Variants in PLXDC2 observed in about 807,000 individuals in gnomAD.
PLXDC2 encodes plexin domain containing 2, also known as plexin domain-containing protein 2.
A neutral mutation model predicts 68.9 loss-of-function variants in PLXDC2; 40 were observed. That is an observed-to-expected ratio of 0.58 (90% CI 0.45 to 0.76). PLXDC2 has a LOEUF of 0.76. Among genes scored for constraint, PLXDC2 ranks in the 30% least tolerant of loss-of-function variants. PLXDC2 has a pLI of 0.00. For missense variants in PLXDC2, 644 were observed against 661.9 expected (o/e 0.97, Z 0.30); for synonymous variants, 243 against 234.2 (o/e 1.04, Z -0.34).
intron 3 of PLXDC2, among the ~76,000 whole-genome samples, chr10:20,050,937 A>T (rs1273139997): frequency 6.6e-6 from 1 of 152,140 alleles, no homozygotes; most frequent in Non-Finnish European, 1.5e-5. Flanking sequence ...ACACATGTGA[A>T]TGTTTATTGC....
intron 1 of PLXDC2, among the ~76,000 whole-genome samples, chr10:19,995,110 G>C (rs1370845972): frequency 2.6e-5 from 4 of 151,976 alleles, no homozygotes. Context: ...GTATTGATGG[G>C]ACAAAAAATA....
intron 3 of PLXDC2, among the ~76,000 whole-genome samples, chr10:20,057,568 C>A (rs975447689): frequency 6.6e-6 from 1 of 152,074 alleles, no homozygotes; most frequent in African/African-American, 2.4e-5. Flanking sequence ...GAATTCCCAG[C>A]CCCAGAGAAT....
chr10:20,173,244 A>G (rs1297620421), intron 7 of PLXDC2, among the ~76,000 whole-genome samples: 1 of 152,234 alleles, frequency 6.6e-6, no homozygotes, highest in Non-Finnish European at 1.5e-5. Flanking sequence ...GGAGCCAGTC[A>G]TTAAGCATTG....
intron 13 of PLXDC2, among the ~76,000 whole-genome samples, chr10:20,251,199 A>G (rs1401326803): frequency 2.0e-5 from 3 of 152,052 alleles, no homozygotes; most frequent in Non-Finnish European, 4.4e-5. Flanking sequence ...CAGATCTTAG[A>G]CTGGGCAGTT....
At chr10:19,933,116 A>T (rs939509957) in intron 1 of PLXDC2, among the ~76,000 whole-genome samples, 6 of 152,174 alleles carry the variant, frequency 3.9e-5, no homozygotes, top group African/African-American at 1.4e-4. Flanking sequence ...TGGGTAACTC[A>T]CTTGGTACTT....
intron 4 of PLXDC2, among the ~76,000 whole-genome samples, chr10:20,085,799 C>T (rs1833184404): frequency 6.6e-6 from 1 of 152,146 alleles, no homozygotes; most frequent in South Asian, 2.1e-4. Context: ...ACAAAATGCA[C>T]TTTAAGAAAC....
intron 2 of PLXDC2, among the ~76,000 whole-genome samples, chr10:20,037,822 A>C (rs1250907288): frequency 6.6e-6 from 1 of 152,196 alleles, no homozygotes; most frequent in Admixed American, 6.5e-5. Context: ...GTTACTGGGA[A>C]AATGGAAACT....
chr10:19,978,294 A>G (rs1487520040), intron 1 of PLXDC2, among the ~76,000 whole-genome samples: 2 of 152,158 alleles, frequency 1.3e-5, no homozygotes, highest in Non-Finnish European at 2.9e-5. Context: ...TGACTCTCAA[A>G]TTGTACATGT....
At chr10:19,986,467 G>A (rs532475409) in intron 1 of PLXDC2, among the ~76,000 whole-genome samples, 3 of 151,142 alleles carry the variant, frequency 2.0e-5, no homozygotes, top group Non-Finnish European at 4.4e-5. Flanking sequence ...TGAAGTATTC[G>A]ATTGATAAAT....
chr10:19,856,513 T>C (rs1306480522), intron 1 of PLXDC2, among the ~76,000 whole-genome samples: 2 of 152,130 alleles, frequency 1.3e-5, no homozygotes, highest in Non-Finnish European at 2.9e-5. Flanking sequence ...GAGATGGGCA[T>C]TGAGAACTTT....
intron 2 of PLXDC2, among the ~76,000 whole-genome samples, chr10:20,019,527 T>C (rs924953430): frequency 2.6e-5 from 4 of 152,100 alleles, no homozygotes; most frequent in South Asian, 2.1e-4. Flanking sequence ...TATATAGAGA[T>C]AGGGTTTTTA....
At chr10:19,839,736 A>G (rs1002897762) in intron 1 of PLXDC2, among the ~76,000 whole-genome samples, 12 of 152,160 alleles carry the variant, frequency 7.9e-5, no homozygotes, top group South Asian at 2.1e-4. Context: ...TTAAACAGAT[A>G]CTAGAGATAC....
intron 1 of PLXDC2, among the ~76,000 whole-genome samples, chr10:19,938,019 C>T (rs557507802): frequency 2.0e-5 from 3 of 152,284 alleles, no homozygotes; most frequent in African/African-American, 7.2e-5. Context: ...CATTTGACTT[C>T]TCAGTGGTTA....
intron 1 of PLXDC2, among the ~76,000 whole-genome samples, chr10:19,858,715 T>C (rs1837262491): frequency 6.6e-6 from 1 of 152,058 alleles, no homozygotes. Flanking sequence ...ATTTGCATTG[T>C]AGAGTGGTCC....
At chr10:20,138,716 C>G (rs574593692) in intron 4 of PLXDC2, among the ~76,000 whole-genome samples, 5 of 152,048 alleles carry the variant, frequency 3.3e-5, no homozygotes. Context: ...AGTTCAAGAC[C>G]AGCCTAGCCA....
At chr10:19,901,468 A>G (rs1279749066) in intron 1 of PLXDC2, among the ~76,000 whole-genome samples, 2 of 152,206 alleles carry the variant, frequency 1.3e-5, no homozygotes, top group African/African-American at 2.4e-5. Context: ...TGCCATTTGT[A>G]TATCTTCTTT....
At chr10:20,019,906 A>T (rs1354034982) in intron 2 of PLXDC2, among the ~76,000 whole-genome samples, 2 of 152,158 alleles carry the variant, frequency 1.3e-5, no homozygotes, top group African/African-American at 4.8e-5. Context: ...TCCAAAAGGG[A>T]TCCTCATGAA....
chr10:20,201,393 G>C (rs1207170599), intron 9 of PLXDC2, among the ~76,000 whole-genome samples: 2 of 152,036 alleles, frequency 1.3e-5, no homozygotes, highest in Admixed American at 6.6e-5. Flanking sequence ...TCGAGGCTGG[G>C]AAGAGTAGGT....
rs1056742676 is a variant in PLXDC2 at position 19,831,001 on chromosome 10, T to C, written c.112+13810T>C. Among the ~76,000 whole-genome samples, 41 of 152,024 alleles carry C rather than the reference T, an allele frequency of 2.7e-4. 1 individual carries two copies. The highest frequency in any genetic ancestry group is 2.0e-3 in the Admixed American group (31 of 15,268). ...AGGAACCAGGTTTGTTTCCTTTTTT[T>C]TTTTGTTTGTTTTTTTGCTTGTTTG... On this transcript the variant is annotated intron_variant, in intron 1 of 13. Coordinates refer to ENST00000377252, the MANE Select transcript of PLXDC2 (RefSeq NM_032812.9).
Sources: gnomAD v4.1 joint callset for allele counts (sites outside exome capture counted in the v4.1 genomes callset) on GRCh38, gnomAD v4.1.1 for gene constraint, MANE v1.5 for transcripts, NCBI Gene and HGNC (gene_info 2026-07-23, HGNC 2026-07-21) for gene names.